Variants in HTR3A observed in about 807,000 individuals in gnomAD.
The protein encoded by HTR3A is 5-hydroxytryptamine receptor 3A, also known as 5-hydroxytryptamine (serotonin) receptor 3A, ionotropic.
HTR3A carries 45 observed loss-of-function variants against 54.8 expected under a neutral mutation model. That is an observed-to-expected ratio of 0.82 (90% CI 0.65 to 1.05). The LOEUF is 1.05. Among genes scored for constraint, HTR3A ranks in the 50% least tolerant of loss-of-function variants. HTR3A has a pLI of 0.00. For synonymous variants in HTR3A, 297 were observed against 256.0 expected (o/e 1.16, Z -1.53); for missense variants, 657 against 614.0 (o/e 1.07, Z -0.74).
At chr11:113,977,551 A>T (rs1985242) in intron 1 of HTR3A, 1,018,133 of 1,548,166 alleles carry the variant, frequency 0.66, 340,475 homozygotes, top group Middle Eastern at 0.71. Flanking sequence ...TTTCCTGTCA[A>T]TGAATGCATA....
chr11:113,976,413 C>T (rs1225316662), intron 1 of HTR3A, among the ~76,000 whole-genome samples: 3 of 152,028 alleles, frequency 2.0e-5, no homozygotes, highest in South Asian at 2.1e-4. Context: ...CACGGGTCTG[C>T]GTTTGAATCT....
rs747096125 is a variant in HTR3A at position 113,983,103 on chromosome 11, C to T, written c.375-17C>T. 6.2e-7 allele frequency: 1 copy of T among 1,614,202 alleles called. No homozygotes were observed. The highest frequency in any genetic ancestry group is 2.2e-5 in the East Asian group (1 of 44,884). The stretch of plus-strand genomic sequence containing the variant: ...CTGTCTCTTGAGCTCCCAAACTAAC[C>T]CCTTTTCCCCCGCCAGCGTGGATGT... On this transcript the variant is annotated splice_polypyrimidine_tract_variant and intron_variant, in intron 4 of 8. Coordinates refer to ENST00000504030, the MANE Select transcript of HTR3A (RefSeq NM_000869.6).
chr11:113,975,403 T>C lies in HTR3A; in HGVS notation c.67+11T>C. 6.2e-6 allele frequency: 10 copies of C among 1,609,110 alleles called. No individual in the cohort carries two copies. Among genetic ancestry groups the C allele is most frequent in the Non-Finnish European group, 8.5e-6 (10 of 1,178,812 alleles). ...TGGCACAGGGAGAAGGTAAGCAGAC[T>C]TCGGGAAGCAGCAGGACTTGGCTGA... On this transcript the variant is annotated intron_variant, in intron 1 of 8. Coordinates refer to ENST00000504030, the MANE Select transcript of HTR3A (RefSeq NM_000869.6).
intron 8 of HTR3A, among the ~76,000 whole-genome samples, 159 bp downstream of exon 8, chr11:113,987,205 T>G (rs963391939): frequency 6.6e-6 from 1 of 152,220 alleles, no homozygotes; most frequent in African/African-American, 2.4e-5. Flanking sequence ...CAGCCAAAGA[T>G]GTCAGTCCAG....
intron 5 of HTR3A, among the ~76,000 whole-genome samples, chr11:113,984,033 C>T (rs770335044): frequency 2.6e-5 from 4 of 152,174 alleles, no homozygotes; most frequent in Non-Finnish European, 5.9e-5. Context: ...TTTCTAGCCC[C>T]AAACCCTCAT....
chr11:113,986,031 C>T lies in HTR3A; in HGVS notation c.561C>T (p.Ile187=). ...SWLHTIQDIN[I]SLWRLPEKVK... is the part of the protein sequence containing the mutation. The stretch of plus-strand genomic sequence containing the variant: ...CTCTCTCAGTCCAGGACATCAACAT[C>T]TCTTTGTGGCGCTTGCCAGAAAAGG... Residue 187 remains isoleucine (I), a synonymous_variant, in exon 6 of 9, where the codon ATC becomes ATT. Transcript: ENST00000504030. 2 of 1,614,172 alleles carry T rather than the reference C, an allele frequency of 1.2e-6. No homozygotes were observed. The highest frequency in any genetic ancestry group is 1.3e-5 in the African/African-American group (1 of 75,034).
intron 5 of HTR3A, among the ~76,000 whole-genome samples, chr11:113,984,874 C>T (rs1591604923): frequency 1.7e-5 from 2 of 116,484 alleles, no homozygotes; most frequent in East Asian, 5.2e-4. Flanking sequence ...GCCGAGGTTG[C>T]ACCACTGCAC....
In HTR3A at chr11:113,989,471, G is replaced by A; in HGVS notation, c.1145G>A (p.Gly382Glu). 1 of 1,614,036 alleles carries A rather than the reference G, an allele frequency of 6.2e-7. No individual in the cohort carries two copies. The highest frequency in any genetic ancestry group is 8.5e-7 in the Non-Finnish European group (1 of 1,180,022). ...TGCCCTGCCCTTCTTCCAGCCATGG[G>A]AAACCACTGCAGCCACATGGGAGGA... ...ATKTDDCSAM[G>E]NHCSHMGGPQ... Residue 382 changes from glycine to glutamate, a missense_variant, in exon 9 of 9, where the codon GGA becomes GAA. By Grantham distance (98) the Gly-to-Glu change is moderately conservative (BLOSUM62 -2). Coordinates refer to ENST00000504030, the MANE Select transcript of HTR3A (RefSeq NM_000869.6). This position sits in a 1 kb window ranked among gnomAD's most constrained non-coding sequence, Gnocchi z 4.4.
chr11:113,982,976 C>T (rs1378341536), intron 4 of HTR3A, 144 bp from the exon 5 acceptor site: 8 of 905,222 alleles, frequency 8.8e-6, no homozygotes, highest in South Asian at 7.2e-5. Flanking sequence ...TTGGAAAAAC[C>T]GAGGCCAGGC....
rs776946829 is a variant in HTR3A at position 113,986,588 on chromosome 11, T to C, written c.776T>C (p.Met259Thr). 3.1e-6 allele frequency: 5 copies of C among 1,613,510 alleles called. No individual in the cohort carries two copies. Among genetic ancestry groups the C allele is most frequent in the South Asian group, 2.2e-5 (2 of 91,086 alleles). The change falls in exon 7 of 9, where the codon ATG becomes ACG. Residue 259 changes from methionine (M) to threonine (T), a missense_variant. Transcript: ENST00000504030. ...CTGCCCAGCATCTTCCTCATGGTCA[T>C]GGACATCGTGGGCTTCTACCTGCCC... The part of the protein sequence containing the change: ...LLLPSIFLMV[M>T]DIVGFYLPPN...
chr11:113,979,647 G>T (rs970588817), intron 3 of HTR3A, among the ~76,000 whole-genome samples: 2 of 152,172 alleles, frequency 1.3e-5, no homozygotes, highest in Non-Finnish European at 2.9e-5. Flanking sequence ...CAAATTGGGT[G>T]ATTGAAACAG....
At chr11:113,981,387 T>C (rs1950420643) in intron 4 of HTR3A, 75 bp downstream of exon 4, 4 of 870,282 alleles carry the variant, frequency 4.6e-6, no homozygotes, top group African/African-American at 3.3e-5. Context: ...AGAGACAAGA[T>C]TGTCACTGTT....
chr11:113,987,176 T>C, intron 8 of HTR3A, 130 bp downstream of exon 8: 3 of 976,502 alleles, frequency 3.1e-6, no homozygotes, highest in Non-Finnish European at 4.7e-6. Flanking sequence ...CCTGCCTTAC[T>C]TGGGGTGGGG....
intron 1 of HTR3A, among the ~76,000 whole-genome samples, chr11:113,976,937 G>A (rs1423271071): frequency 6.6e-6 from 1 of 151,850 alleles, no homozygotes; most frequent in Non-Finnish European, 1.5e-5. Flanking sequence ...TGTGAAAACT[G>A]AGCTGTGCAT....
chr11:113,990,107 T>A lies in HTR3A; in HGVS notation c.*344T>A, dbSNP rs1565584699. The A allele has an allele frequency of 2.0e-6, 1 of 496,862 alleles. No homozygotes were observed. Among genetic ancestry groups the A allele is most frequent in the Non-Finnish European group, 3.9e-6 (1 of 255,756 alleles). The allele number at this position is 496,862 out of a possible 1,614,324, so 30.8% of individuals were successfully genotyped here. A position where few individuals can be genotyped will look rare whatever the true frequency, so the allele number is the denominator to read the frequency against. ...ATTGACCCTCACCTGAATAAGGGAC[T>A]TTGGAATTCTGCTTCTCTTTCACAA... On this transcript the variant is annotated 3_prime_UTR_variant, in exon 9 of 9. Coordinates refer to ENST00000504030, the MANE Select transcript of HTR3A (RefSeq NM_000869.6).
chr11:113,981,312 T>C lies in HTR3A; in HGVS notation c.374T>C (p.Phe125Ser), dbSNP rs777137174. ...GTCCCGGACATTCTCATCAATGAGT[T>C]GTGAGTACCGTTATCCATTGTGAGG... ...IWVPDILINE[F>S]VDVGKSPNIP... The change falls in exon 4 of 9, where the codon TTC (phenylalanine) becomes TCC (serine). Residue 125 changes from phenylalanine to serine, a missense_variant and splice_region_variant. Physicochemically the swap from Phe to Ser is radical, Grantham distance 155. Transcript: ENST00000504030. 108 of 1,588,460 alleles carry C rather than the reference T, an allele frequency of 6.8e-5. No individual in the cohort carries two copies. Among genetic ancestry groups the C allele is most frequent in the Admixed American group, 3.8e-4 (23 of 59,966 alleles).
At position 113,981,283 on chromosome 11, in the gene HTR3A, C is replaced by T; in HGVS notation, c.345C>T (p.Ile115=). 6.2e-7 allele frequency: 1 copy of T among 1,612,970 alleles called. No individual in the cohort carries two copies. The highest frequency in any genetic ancestry group is 1.3e-5 in the African/African-American group (1 of 75,028). ...AGTTGTCCATCCCCACGGACAGCAT[C>T]TGGGTCCCGGACATTCTCATCAATG... is the stretch of plus-strand genomic sequence containing the variant. The part of the protein sequence containing the change: ...ITKLSIPTDS[I]WVPDILINEF... Residue 115 remains isoleucine, a synonymous_variant, in exon 4 of 9, where the codon ATC becomes ATT. Transcript: ENST00000504030.
Position 113,989,795 on chromosome 11 carries a change from G to T in HTR3A, c.*32G>T, listed in dbSNP as rs571635095. On this transcript the variant is annotated 3_prime_UTR_variant, in exon 9 of 9. Transcript: ENST00000504030. The surrounding 1 kb of genome is among the most constrained non-coding windows in gnomAD (Gnocchi z 4.4). ...ACAGCCCAGTGGAGGAGGGGGTACA[G>T]TCCTGGTTAGGTGGGGACAGAGGAT... The T allele has an allele frequency of 6.2e-7, 1 of 1,600,494 alleles. No individual in the cohort carries two copies. Among genetic ancestry groups the T allele is most frequent in the East Asian group, 2.2e-5 (1 of 44,870 alleles).
chr11:113,976,109 G>T (rs572520428), intron 1 of HTR3A, among the ~76,000 whole-genome samples: 13 of 152,272 alleles, frequency 8.5e-5, no homozygotes, highest in Middle Eastern at 3.4e-3. Flanking sequence ...AGCTGGGGTG[G>T]AGCATACTGG....
Sources: gnomAD v4.1 joint callset for allele counts (sites outside exome capture counted in the v4.1 genomes callset) on GRCh38, gnomAD v4.1.1 for gene constraint, Gnocchi (gnomAD v3.1) non-coding constraint, MANE v1.5 for transcripts, NCBI Gene and HGNC (gene_info 2026-07-23, HGNC 2026-07-21) for gene names.